Variants in SLC39A11 observed in about 807,000 individuals in gnomAD.
SLC39A11 encodes zinc transporter ZIP11.
A neutral mutation model predicts 36.1 loss-of-function variants in SLC39A11; 33 were observed. That is an observed-to-expected ratio of 0.91 (90% CI 0.69 to 1.22). SLC39A11 has a LOEUF of 1.22. Among genes scored for constraint, SLC39A11 ranks in the 50% most tolerant of loss-of-function variants. SLC39A11 has a pLI of 0.00. For synonymous variants in SLC39A11, 166 were observed against 170.3 expected, an observed-to-expected ratio of 0.97 and a Z score of 0.20; for missense variants, 432 against 430.3, an observed-to-expected ratio of 1.00 and a Z score of -0.03.
intron 4 of SLC39A11, among the ~76,000 whole-genome samples, chr17:72,976,404 G>T (rs1386443360): frequency 6.6e-6 from 1 of 152,014 alleles, no homozygotes; most frequent in African/African-American, 2.4e-5. Flanking sequence ...CAGTCCCTAG[G>T]TCTCACACTC....
intron 4 of SLC39A11, among the ~76,000 whole-genome samples, chr17:73,009,354 CAAAA>C (rs56818175): frequency 7.6e-5 from 7 of 92,562 alleles, no homozygotes; most frequent in Non-Finnish European, 6.7e-5. Context: ...GACTCCATCT[CAAAA>C]AAAAAAAAAA....
chr17:72,754,354 G>A lies in SLC39A11; in HGVS notation c.602-17635C>T, dbSNP rs573473725. ...AAATTGGGTTCAGTGCATACTGCTC[G>A]GGTAGTGGGTGCCCAAAAAGCTCAC... is the stretch of plus-strand genomic sequence containing the variant. On this transcript the variant is annotated intron_variant, in intron 6 of 9. Coordinates refer to ENST00000255559, the MANE Select transcript of SLC39A11 (RefSeq NM_139177.4). 6.7e-4 allele frequency among the ~76,000 whole-genome samples: 102 copies of A among 152,136 alleles called. 1 individual carries two copies. The highest frequency in any genetic ancestry group is 1.1e-3 in the Non-Finnish European group (76 of 68,014).
intron 7 of SLC39A11, among the ~76,000 whole-genome samples, chr17:72,719,395 C>T (rs530669235): frequency 2.0e-5 from 3 of 152,204 alleles, no homozygotes; most frequent in Non-Finnish European, 2.9e-5. Flanking sequence ...CATGTCCCCA[C>T]GAGTGCGACA....
chr17:72,773,477 A>G (rs2076020387), intron 6 of SLC39A11, among the ~76,000 whole-genome samples: 1 of 152,114 alleles, frequency 6.6e-6, no homozygotes, highest in African/African-American at 2.4e-5. Context: ...TCTTCTCCTT[A>G]CTGTCACCCT....
At chr17:72,810,734 G>A (rs540361792) in intron 6 of SLC39A11, among the ~76,000 whole-genome samples, 18 of 152,024 alleles carry the variant, frequency 1.2e-4, no homozygotes, top group African/African-American at 4.3e-4. Context: ...TGCCCAGGCT[G>A]GAGTGCAGTG....
chr17:72,909,146 C>T (rs944414776), intron 5 of SLC39A11, among the ~76,000 whole-genome samples: 3 of 152,082 alleles, frequency 2.0e-5, no homozygotes, highest in South Asian at 4.2e-4. Context: ...GTTCTGTCAC[C>T]GAGGCTGGAG....
intron 7 of SLC39A11, among the ~76,000 whole-genome samples, chr17:72,718,417 C>T (rs1008565995): frequency 6.6e-6 from 1 of 152,142 alleles, no homozygotes; most frequent in African/African-American, 2.4e-5. Flanking sequence ...CCAGCCTGGG[C>T]AACAGAGCAA....
At chr17:72,987,262 G>A (rs776922873) in intron 4 of SLC39A11, among the ~76,000 whole-genome samples, 23 of 152,158 alleles carry the variant, frequency 1.5e-4, no homozygotes, top group Non-Finnish European at 3.1e-4. Context: ...TTCTTATACA[G>A]TCTGCAGAAC....
chr17:72,954,748 A>G (rs891331005), intron 4 of SLC39A11, among the ~76,000 whole-genome samples: 2 of 152,214 alleles, frequency 1.3e-5, no homozygotes, highest in African/African-American at 2.4e-5. Flanking sequence ...TACATAACAC[A>G]TGACCTTCTC....
chr17:72,653,707 G>A (rs906386044), intron 7 of SLC39A11, among the ~76,000 whole-genome samples: 7 of 152,102 alleles, frequency 4.6e-5, no homozygotes, highest in African/African-American at 1.2e-4. Context: ...CCCAAAGTGC[G>A]GGATTACAGG....
At chr17:72,681,006 A>G (rs924778814) in intron 7 of SLC39A11, among the ~76,000 whole-genome samples, 7 of 152,088 alleles carry the variant, frequency 4.6e-5, no homozygotes, top group Admixed American at 2.0e-4. Flanking sequence ...CAGTAGCACA[A>G]TCTTGGCTCA....
chr17:72,682,363 G>A (rs1009079815), intron 7 of SLC39A11, among the ~76,000 whole-genome samples: 7 of 142,550 alleles, frequency 4.9e-5, no homozygotes, highest in Admixed American at 7.8e-5. Context: ...AAAAAGGTTG[G>A]AGACTGCTGG....
rs369191138 is a variant in SLC39A11 at position 72,851,931 on chromosome 17, A to C, written c.431-2127T>G. 6.6e-5 allele frequency among the ~76,000 whole-genome samples: 10 copies of C among 152,228 alleles called. No individual in the cohort carries two copies. The East Asian group carries it at 1.5e-3, about 24-fold the overall frequency. The stretch of plus-strand genomic sequence containing the variant: ...TGAAAATCATTTTGTGGCCAGGCGC[A>C]GTAGCTCACACCTGTAATCCCAGCA... On this transcript the variant is annotated intron_variant, in intron 5 of 9. Transcript: ENST00000255559.
At chr17:72,750,260 G>A (rs575117200) in intron 6 of SLC39A11, among the ~76,000 whole-genome samples, 197 of 152,202 alleles carry the variant, frequency 1.3e-3, no homozygotes, top group Non-Finnish European at 2.5e-3. Context: ...TGCAGTCTGG[G>A]TCCCAGGTTG....
chr17:73,006,690 A>C (rs1246826410), intron 4 of SLC39A11, among the ~76,000 whole-genome samples: 1 of 151,954 alleles, frequency 6.6e-6, no homozygotes, highest in East Asian at 1.9e-4. Flanking sequence ...GCACACACGC[A>C]CCCCTACAAA....
chr17:72,717,160 A>G (rs1435329804), intron 7 of SLC39A11, among the ~76,000 whole-genome samples: 1 of 147,874 alleles, frequency 6.8e-6, no homozygotes, highest in Non-Finnish European at 1.5e-5. Context: ...ATGTATATAC[A>G]TATATATAAA....
chr17:73,048,511 T>C (rs2059394627), intron 3 of SLC39A11, among the ~76,000 whole-genome samples: 1 of 152,224 alleles, frequency 6.6e-6, no homozygotes, highest in Non-Finnish European at 1.5e-5. Context: ...AGTGCCTGTG[T>C]CTTTTTAATA....
intron 5 of SLC39A11, among the ~76,000 whole-genome samples, chr17:72,856,327 A>G (rs1475001602): frequency 6.6e-6 from 1 of 152,200 alleles, no homozygotes; most frequent in Admixed American, 6.5e-5. Flanking sequence ...ACATTTTTCA[A>G]TTTCAGGCAT....
intron 3 of SLC39A11, among the ~76,000 whole-genome samples, chr17:73,083,103 G>A (rs1407322009): frequency 2.0e-5 from 3 of 151,514 alleles, no homozygotes; most frequent in African/African-American, 7.3e-5. Flanking sequence ...ACATTCCAAG[G>A]GGCCCTCCAT....
Sources: allele counts gnomAD v4.1 joint callset (sites outside exome capture counted in the v4.1 genomes callset), GRCh38; gene constraint gnomAD v4.1.1; transcripts MANE v1.5; gene names NCBI Gene and HGNC (gene_info 2026-07-23, HGNC 2026-07-21).